STK25: variants seen among roughly 807,000 people sequenced by gnomAD.
STK25 encodes the protein serine/threonine-protein kinase 25.
STK25 carries 29 observed loss-of-function variants against 53.8 expected under a neutral mutation model. That is an observed-to-expected ratio of 0.54 (90% CI 0.40 to 0.74). STK25 has a LOEUF of 0.74. Among genes scored for constraint, STK25 ranks in the 30% least tolerant of loss-of-function variants. The pLI, the probability that STK25 is intolerant of heterozygous loss-of-function variation, is 0.00. For synonymous variants in STK25, 247 were observed against 238.3 expected (o/e 1.04, Z -0.33); for missense variants, 420 against 568.0 (o/e 0.74, Z 2.65).
chr2:241,499,493 AC>A, intron 5 of STK25, 79 bp from the exon 6 acceptor site: 2 of 1,520,430 alleles, frequency 1.3e-6, no homozygotes, highest in Non-Finnish European at 1.8e-6. Flanking sequence ...GGGCCAGGGT[AC>A]CATCCACCTG....
intron 8 of STK25, 52 bp downstream of exon 8, chr2:241,498,587 C>A: frequency 6.4e-7 from 1 of 1,569,840 alleles, no homozygotes; most frequent in South Asian, 1.2e-5. Context: ...GGAGTGGGGA[C>A]CACCCACGTC....
intron 2 of STK25, among the ~76,000 whole-genome samples, chr2:241,506,758 A>G (rs1167736464): frequency 6.6e-6 from 1 of 152,158 alleles, no homozygotes; most frequent in Admixed American, 6.5e-5. Flanking sequence ...CAAAAGCGAA[A>G]CTCCGTCTCA....
At chr2:241,502,324 C>T (rs1024374989) in intron 2 of STK25, among the ~76,000 whole-genome samples, 2 of 152,176 alleles carry the variant, frequency 1.3e-5, no homozygotes, top group African/African-American at 4.8e-5. Context: ...AAGGTTGCCT[C>T]ATCTAACCCG....
Position 241,492,838 on chromosome 2 carries a change from C to A in STK25, c.*2824G>T. The A allele has an allele frequency of 1.4e-6, 1 of 731,284 alleles. No individual in the cohort carries two copies. The allele number at this position is 731,284 out of a possible 1,614,324, so 45.3% of individuals were successfully genotyped here. On this transcript the variant is annotated 3_prime_UTR_variant, in exon 12 of 12. Transcript: ENST00000316586. Reference sequence around the variant, plus strand: ...AAACCAAGGCCTCAGCTGGAGAAAGCATGCAGAGGCTTAGTCTTGGGGAGC... The same window carrying A: ...AAACCAAGGCCTCAGCTGGAGAAAGAATGCAGAGGCTTAGTCTTGGGGAGC...
At chr2:241,499,915 A>C (rs2065404471) in intron 5 of STK25, 1 of 589,092 alleles carries the variant, frequency 1.7e-6, no homozygotes, top group Admixed American at 2.3e-5. Context: ...CACCACAGGG[A>C]ACCAACAACT....
intron 2 of STK25, among the ~76,000 whole-genome samples, chr2:241,506,506 G>A (rs917393662): frequency 9.9e-5 from 15 of 152,210 alleles, no homozygotes; most frequent in Admixed American, 8.5e-4. Flanking sequence ...GGTGGCTCAT[G>A]CCTGTAATCC....
chr2:241,509,033 C>G (rs917478589), upstream of STK25, among the ~76,000 whole-genome samples: 43 of 152,228 alleles, frequency 2.8e-4, no homozygotes, highest in African/African-American at 9.4e-4. Flanking sequence ...CGCGGCCGCC[C>G]AGGCTTCTAG....
intron 11 of STK25, 86 bp from the exon 12 acceptor site, chr2:241,495,787 C>T: frequency 1.4e-6 from 2 of 1,443,898 alleles, no homozygotes; most frequent in Non-Finnish European, 1.9e-6. Context: ...TCTGCGGTGG[C>T]AGCCCTGACA....
At position 241,494,183 on chromosome 2, in the gene STK25, C is replaced by T. The variant is rs73008118; in HGVS notation, c.*1479G>A. 54 of 1,109,876 alleles carry T rather than the reference C, an allele frequency of 4.9e-5. No homozygotes were observed. The highest frequency in any genetic ancestry group is 6.6e-5 in the Non-Finnish European group (53 of 800,108). The allele number at this position is 1,109,876 out of a possible 1,614,324, so 68.8% of individuals were successfully genotyped here. On this transcript the variant is annotated 3_prime_UTR_variant, in exon 12 of 12. Coordinates refer to ENST00000316586, the MANE Select transcript of STK25 (RefSeq NM_001271977.2). The surrounding 1 kb of genome is among the most constrained non-coding windows in gnomAD (Gnocchi z 4.9). ...AAAGAACAGCAGGACACAGAGGTGA[C>T]CTCTGTCCTGAGGCTTCTCAACAGA...
Position 241,493,205 on chromosome 2 carries a change from C to T in STK25, c.*2457G>A, listed in dbSNP as rs908063259. On this transcript the variant is annotated 3_prime_UTR_variant, in exon 12 of 12. Coordinates refer to ENST00000316586, the MANE Select transcript of STK25 (RefSeq NM_001271977.2). ...CTCCCTTGGCCCGTGGGCATTTGTA[C>T]GTGCCACCGTTGTGCAGGTAGCAGA... 9 of 1,440,584 alleles carry T rather than the reference C, an allele frequency of 6.2e-6. No individual in the cohort carries two copies. The highest frequency in any genetic ancestry group is 1.4e-5 in the African/African-American group (1 of 71,542). The allele number at this position is 1,440,584 out of a possible 1,614,324, so 89.2% of individuals were successfully genotyped here.
intron 10 of STK25, 59 bp downstream of exon 10, chr2:241,497,557 A>C: frequency 6.5e-7 from 1 of 1,548,158 alleles, no homozygotes; most frequent in Non-Finnish European, 8.9e-7. Flanking sequence ...TCTCCGTGCA[A>C]CAGTGTCACA....
In STK25 at chr2:241,498,996, G is replaced by T; in HGVS notation, c.764C>A (p.Pro255His). Reference sequence around the variant, plus strand: ...GCCAGAGGCGGGCCTTACGAATCGGGGGTCTTTGTTGAGGCAGGCCTCCAC... The same window carrying T: ...GCCAGAGGCGGGCCTTACGAATCGGTGGTCTTTGTTGAGGCAGGCCTCCAC... ...EFVEACLNKD[P>H]RFRPTAKELL... is the part of the protein sequence containing the mutation. Residue 255 changes from proline (P) to histidine (H), a missense_variant, in exon 7 of 12, where the codon CCC becomes CAC. Transcript: ENST00000316586. The T allele has an allele frequency of 1.2e-6, 2 of 1,613,850 alleles. No homozygotes were observed. The highest frequency in any genetic ancestry group is 1.7e-6 in the Non-Finnish European group (2 of 1,179,846).
At chr2:241,495,815 G>A in intron 11 of STK25, 114 bp from the exon 12 acceptor site, 1 of 1,050,066 alleles carries the variant, frequency 9.5e-7, no homozygotes, top group Non-Finnish European at 1.5e-6. Context: ...GCACCACGTG[G>A]GTCTGAAGGT....
chr2:241,499,463 C>A, intron 5 of STK25, 49 bp from the exon 6 acceptor site: 1 of 1,587,346 alleles, frequency 6.3e-7, no homozygotes, highest in Non-Finnish European at 8.6e-7. Context: ...CACGTGGCTC[C>A]ACCCCGGGCC....
Position 241,496,856 on chromosome 2 carries a change from C to T in STK25, c.1105-322G>A, listed in dbSNP as rs932947482. On this transcript the variant is annotated intron_variant, in intron 10 of 11. Coordinates refer to ENST00000316586, the MANE Select transcript of STK25 (RefSeq NM_001271977.2). The surrounding 1 kb of genome is among the most constrained non-coding windows in gnomAD (Gnocchi z 5.8). ...ATGGAAGCCACTCAATGGGTCTAAT[C>T]AGACCCAAAAACACGAAGCCCAGAA... 5.9e-5 allele frequency among the ~76,000 whole-genome samples: 9 copies of T among 152,174 alleles called. No homozygotes were observed. Among genetic ancestry groups the T allele is most frequent in the Non-Finnish European group, 1.3e-4 (9 of 68,016 alleles).
chr2:241,493,401 C>T lies in STK25; in HGVS notation c.*2261G>A. ...TGTTTTCAAGCTCCAGTTCAAATCCCACGTCTACTTCTTCCGGGCTGAGAG... is the reference window on the plus strand; with the variant it reads ...TGTTTTCAAGCTCCAGTTCAAATCCTACGTCTACTTCTTCCGGGCTGAGAG... On this transcript the variant is annotated 3_prime_UTR_variant, in exon 12 of 12. Coordinates refer to ENST00000316586, the MANE Select transcript of STK25 (RefSeq NM_001271977.2). 1 of 1,613,940 alleles carries T rather than the reference C, an allele frequency of 6.2e-7. No individual in the cohort carries two copies. Among genetic ancestry groups the T allele is most frequent in the South Asian group, 1.1e-5 (1 of 91,082 alleles).
At chr2:241,497,286 G>A (rs563489899) in intron 10 of STK25, 2 of 266,156 alleles carry the variant, frequency 7.5e-6, no homozygotes, top group African/African-American at 2.2e-5. Context: ...TTGATGCAGG[G>A]TCACGTGACT....
chr2:241,508,770 T>A, upstream of STK25: 2 of 984,272 alleles, frequency 2.0e-6, no homozygotes, highest in South Asian at 9.4e-5. Flanking sequence ...CCCCTAGTCC[T>A]GCTCCCGAAA....
In STK25 at chr2:241,492,820, G is replaced by A; in HGVS notation, c.*2842C>T. ...CATAGCAGTCCAGAGGTAAAACCAA[G>A]GCCTCAGCTGGAGAAAGCATGCAGA... On this transcript the variant is annotated 3_prime_UTR_variant, in exon 12 of 12. Transcript: ENST00000316586. 1 of 673,892 alleles carries A rather than the reference G, an allele frequency of 1.5e-6. No homozygotes were observed. The highest frequency in any genetic ancestry group is 2.7e-6 in the Non-Finnish European group (1 of 372,816). The allele number at this position is 673,892 out of a possible 1,614,324, so 41.7% of individuals were successfully genotyped here. A position where few individuals can be genotyped will look rare whatever the true frequency, so the allele number is the denominator to read the frequency against.
Sources: gnomAD v4.1 joint callset for allele counts (sites outside exome capture counted in the v4.1 genomes callset) on GRCh38, gnomAD v4.1.1 for gene constraint, Gnocchi (gnomAD v3.1) non-coding constraint, MANE v1.5 for transcripts, NCBI Gene and HGNC (gene_info 2026-07-23, HGNC 2026-07-21) for gene names.